ATP9B: variants seen among roughly 807,000 people sequenced by gnomAD.
The protein encoded by ATP9B is probable phospholipid-transporting ATPase IIB.
A neutral mutation model predicts 146.1 loss-of-function variants in ATP9B; 110 were observed. The observed-to-expected ratio is 0.75, with a 90% confidence interval of 0.65 to 0.88. ATP9B has a LOEUF of 0.88. Among genes scored for constraint, ATP9B ranks in the 40% least tolerant of loss-of-function variants. The pLI, the probability that ATP9B is intolerant of heterozygous loss-of-function variation, is 0.00. For missense variants in ATP9B, 1,499 were observed against 1,496.4 expected, an observed-to-expected ratio of 1.00 and a Z score of -0.03; for synonymous variants, 604 against 569.7, an observed-to-expected ratio of 1.06 and a Z score of -0.86.
At chr18:79,164,354 T>A (rs902893290) in intron 7 of ATP9B, among the ~76,000 whole-genome samples, 2 of 152,206 alleles carry the variant, frequency 1.3e-5, no homozygotes, top group Non-Finnish European at 2.9e-5. Flanking sequence ...GGTTCATGTC[T>A]CTGTATTTCC....
chr18:79,308,327 T>A (rs1013905220), intron 15 of ATP9B, among the ~76,000 whole-genome samples: 15 of 151,926 alleles, frequency 9.9e-5, no homozygotes, highest in African/African-American at 3.6e-4. Flanking sequence ...CCGAGAGACA[T>A]GAGAACAAAG....
At chr18:79,302,480 C>T (rs1481020634) in intron 13 of ATP9B, among the ~76,000 whole-genome samples, 2 of 152,182 alleles carry the variant, frequency 1.3e-5, no homozygotes, top group African/African-American at 4.8e-5. Flanking sequence ...GGTGAAAGCA[C>T]CACACATCGC....
intron 11 of ATP9B, among the ~76,000 whole-genome samples, chr18:79,243,569 C>G (rs966565739): frequency 6.6e-6 from 1 of 152,192 alleles, no homozygotes; most frequent in Admixed American, 6.5e-5. Context: ...CAGTGACAGC[C>G]TTGTGTCCTT....
At chr18:79,184,003 T>C (rs1020020450) in intron 8 of ATP9B, among the ~76,000 whole-genome samples, 1 of 152,202 alleles carries the variant, frequency 6.6e-6, no homozygotes, top group African/African-American at 2.4e-5. Flanking sequence ...TCTTAACTTC[T>C]GGCCTTATAA....
intron 13 of ATP9B, among the ~76,000 whole-genome samples, chr18:79,280,075 G>A (rs890587038): frequency 3.9e-5 from 6 of 152,190 alleles, no homozygotes; most frequent in African/African-American, 1.2e-4. Flanking sequence ...CTGTCTAGAT[G>A]TAACATAAAA....
In ATP9B at chr18:79,193,093, T is replaced by C. The variant is rs537457993; in HGVS notation, c.874-90T>C. The C allele has an allele frequency of 7.1e-5, 66 of 933,406 alleles. No individual in the cohort carries two copies. In the South Asian group the frequency reaches 1.0e-3, roughly 15 times the overall value. The allele number at this position is 933,406 out of a possible 1,614,324, so 57.8% of individuals were successfully genotyped here. A position where few individuals can be genotyped will look rare whatever the true frequency, so the allele number is the denominator to read the frequency against. On this transcript the variant is annotated intron_variant, in intron 8 of 29. Coordinates refer to ENST00000426216, the MANE Select transcript of ATP9B (RefSeq NM_198531.5). ...CAATGATTGCTTTTGGTAAATAATATATGAACAATATTAATCAGCAAATGA... is the reference window on the plus strand; with the variant it reads ...CAATGATTGCTTTTGGTAAATAATACATGAACAATATTAATCAGCAAATGA...
chr18:79,246,011 G>A (rs1239471607), intron 11 of ATP9B, among the ~76,000 whole-genome samples: 107 of 120,392 alleles, frequency 8.9e-4, no homozygotes, highest in South Asian at 1.9e-3. Context: ...GGAGGGCACC[G>A]CCCTACTGAC....
At chr18:79,342,206 A>C (rs2096863227) in intron 19 of ATP9B, 62 bp from the exon 20 acceptor site, 1 of 1,306,676 alleles carries the variant, frequency 7.7e-7, no homozygotes, top group Non-Finnish European at 1.1e-6. Context: ...GAATTATGTG[A>C]GACATCAGAA....
chr18:79,105,366 A>ATACTATT (rs2075585001), intron 2 of ATP9B, among the ~76,000 whole-genome samples: 1 of 152,222 alleles, frequency 6.6e-6, no homozygotes, highest in Non-Finnish European at 1.5e-5. Context: ...CTTGCAATAC[A>ATACTATT]GGTAGATTGT....
intron 4 of ATP9B, among the ~76,000 whole-genome samples, chr18:79,124,759 A>G (rs1452563913): frequency 6.6e-6 from 1 of 152,090 alleles, no homozygotes; most frequent in Non-Finnish European, 1.5e-5. Flanking sequence ...AGCTGGGGAG[A>G]GCCTGCGTCC....
At chr18:79,213,520 C>T (rs1377747849) in intron 10 of ATP9B, among the ~76,000 whole-genome samples, 1 of 151,934 alleles carries the variant, frequency 6.6e-6, no homozygotes, top group Non-Finnish European at 1.5e-5. Context: ...TTTAGTAATA[C>T]TTTGATCTTT....
At position 79,299,571 on chromosome 18, in the gene ATP9B, C is replaced by T. The variant is rs77011759; in HGVS notation, c.1412-4033C>T. Among the ~76,000 whole-genome samples, 697 of 152,312 alleles carry T rather than the reference C, an allele frequency of 4.6e-3. 16 individuals carry two copies. The highest frequency in any genetic ancestry group is 0.044 in the East Asian group (226 of 5,182). ...AGTAGCATGATCTCTTGCAGCCTCTCTCCCTGTTATGCTGTGGGATTCTTT... is the reference window on the plus strand; with the variant it reads ...AGTAGCATGATCTCTTGCAGCCTCTTTCCCTGTTATGCTGTGGGATTCTTT... On this transcript the variant is annotated intron_variant, in intron 13 of 29. Transcript: ENST00000426216.
Position 79,214,060 on chromosome 18 carries a change from C to A in ATP9B, c.1107+22C>A, listed in dbSNP as rs760981209. The A allele has an allele frequency of 3.2e-6, 5 of 1,543,084 alleles. No homozygotes were observed. The South Asian group carries it at 6.0e-5, about 19-fold the overall frequency. ...TAAGGTAGGCTAGATTGAGGAGCAA[C>A]TGCTTTAATGAACTTATTTTTCCTT... On this transcript the variant is annotated intron_variant, in intron 11 of 29. Coordinates refer to ENST00000426216, the MANE Select transcript of ATP9B (RefSeq NM_198531.5).
chr18:79,108,211 A>G (rs2075781099), intron 2 of ATP9B, among the ~76,000 whole-genome samples: 1 of 152,190 alleles, frequency 6.6e-6, no homozygotes, highest in Non-Finnish European at 1.5e-5. Context: ...GGAAGGAGGC[A>G]TGTGAGAGTG....
intron 26 of ATP9B, among the ~76,000 whole-genome samples, chr18:79,367,094 G>T (rs2097035199): frequency 6.9e-6 from 1 of 144,996 alleles, no homozygotes; most frequent in Non-Finnish European, 1.5e-5. Context: ...CGCAGAGAAA[G>T]TGCCTCCTCA....
chr18:79,281,426 G>A (rs1455692386), intron 13 of ATP9B, among the ~76,000 whole-genome samples: 1 of 152,050 alleles, frequency 6.6e-6, no homozygotes, highest in Non-Finnish European at 1.5e-5. Flanking sequence ...GAACCTAGGA[G>A]GCGGAGATCC....
At chr18:79,327,190 C>A (rs185238109) in intron 15 of ATP9B, among the ~76,000 whole-genome samples, 1 of 152,324 alleles carries the variant, frequency 6.6e-6, no homozygotes, top group African/African-American at 2.4e-5. Flanking sequence ...GTTCTTAGAA[C>A]CTAAGATTTT....
At chr18:79,147,894 T>G (rs1355949178) in intron 6 of ATP9B, among the ~76,000 whole-genome samples, 2 of 152,106 alleles carry the variant, frequency 1.3e-5, no homozygotes, top group East Asian at 3.9e-4. Context: ...CTGGTTCTTC[T>G]AAATAAGTTA....
intron 7 of ATP9B, among the ~76,000 whole-genome samples, chr18:79,176,071 G>C (rs1292555232): frequency 6.6e-6 from 1 of 152,086 alleles, no homozygotes; most frequent in Non-Finnish European, 1.5e-5. Context: ...AGGTCATCTT[G>C]TTTGCTTTAC....
Sources: allele counts gnomAD v4.1 joint callset (sites outside exome capture counted in the v4.1 genomes callset), GRCh38; gene constraint gnomAD v4.1.1; transcripts MANE v1.5; gene names NCBI Gene and HGNC (gene_info 2026-07-23, HGNC 2026-07-21).